NEGR1: variants seen among roughly 807,000 people sequenced by gnomAD.
NEGR1 encodes the protein neuronal growth regulator 1, also known as IgLON family member 4.
NEGR1 carries 10 observed loss-of-function variants against 40.9 expected under a neutral mutation model. The observed-to-expected ratio is 0.24, with a 90% CI of 0.15 to 0.42. The LOEUF (loss-of-function observed/expected upper bound fraction) is 0.42, where lower values mean the gene tolerates loss of function less well. Ranked by LOEUF, NEGR1 falls within the 10% of genes least tolerant of loss-of-function variation. NEGR1 has a pLI of 1.00. For synonymous variants in NEGR1, 185 were observed against 166.8 expected, an observed-to-expected ratio of 1.11 and a Z score of -0.84; for missense variants, 352 against 438.9, an observed-to-expected ratio of 0.80 and a Z score of 1.77.
At chr1:71,894,334 G>A (rs1236928544) in intron 2 of NEGR1, among the ~76,000 whole-genome samples, 1 of 152,092 alleles carries the variant, frequency 6.6e-6, no homozygotes, top group African/African-American at 2.4e-5. Context: ...ATCTGTAGTA[G>A]TTCAAGAATC....
intron 4 of NEGR1, among the ~76,000 whole-genome samples, chr1:71,623,437 A>C (rs999582174): frequency 2.0e-5 from 3 of 151,986 alleles, no homozygotes; most frequent in Non-Finnish European, 4.4e-5. Context: ...AGACTAAGGC[A>C]ACAGAGGTAG....
chr1:71,669,261 T>C (rs1269183342), intron 4 of NEGR1, among the ~76,000 whole-genome samples: 1 of 152,112 alleles, frequency 6.6e-6, no homozygotes, highest in African/African-American at 2.4e-5. Flanking sequence ...CAATGCAGGA[T>C]CCTGCTATTT....
chr1:71,914,348 C>T (rs1661511329), intron 2 of NEGR1, among the ~76,000 whole-genome samples: 1 of 152,194 alleles, frequency 6.6e-6, no homozygotes, highest in African/African-American at 2.4e-5. Context: ...AATGCCTGAT[C>T]AAACTTAACC....
At chr1:71,898,923 T>TATA (rs1198958122) in intron 2 of NEGR1, among the ~76,000 whole-genome samples, 12 of 132,166 alleles carry the variant, frequency 9.1e-5, no homozygotes, top group South Asian at 2.3e-4. Context: ...CAAATATATA[T>TATA]TTGCAAATAT....
At chr1:72,136,553 A>G (rs1252377371) in intron 1 of NEGR1, among the ~76,000 whole-genome samples, 1 of 151,436 alleles carries the variant, frequency 6.6e-6, no homozygotes, top group Non-Finnish European at 1.5e-5. Context: ...ATGAGTAAAA[A>G]TGGCCAGACT....
intron 1 of NEGR1, among the ~76,000 whole-genome samples, chr1:72,246,790 C>T (rs1015793561): frequency 1.3e-5 from 2 of 152,188 alleles, no homozygotes; most frequent in Admixed American, 1.3e-4. Flanking sequence ...TGGCACTGCC[C>T]TAGTACGCAG....
intron 2 of NEGR1, among the ~76,000 whole-genome samples, chr1:71,871,933 A>G (rs1271741639): frequency 6.6e-6 from 1 of 152,198 alleles, no homozygotes; most frequent in Admixed American, 6.5e-5. Context: ...TATGGGAAGT[A>G]TTATTCACAG....
chr1:71,998,384 G>T (rs1270462116), intron 1 of NEGR1, among the ~76,000 whole-genome samples: 1 of 151,900 alleles, frequency 6.6e-6, no homozygotes, highest in African/African-American at 2.4e-5. Context: ...CTTGTATCCT[G>T]TATATACTGC....
chr1:72,143,312 C>T (rs1333389666), intron 1 of NEGR1, among the ~76,000 whole-genome samples: 1 of 151,846 alleles, frequency 6.6e-6, no homozygotes, highest in African/African-American at 2.4e-5. Context: ...AGTTTTACAA[C>T]TAGATTTCCC....
intron 2 of NEGR1, among the ~76,000 whole-genome samples, chr1:71,886,396 T>C (rs1157399546): frequency 6.6e-6 from 1 of 151,784 alleles, no homozygotes; most frequent in Admixed American, 6.6e-5. Context: ...GGTAATAGCA[T>C]ATTACCCTTT....
intron 6 of NEGR1, among the ~76,000 whole-genome samples, chr1:71,517,461 G>T (rs1311693260): frequency 1.2e-5 from 1 of 82,656 alleles, no homozygotes; most frequent in African/African-American, 5.5e-5. Context: ...TATAAACAGA[G>T]CCAAAGACAA....
intron 1 of NEGR1, among the ~76,000 whole-genome samples, chr1:71,988,026 C>T (rs1326246891): frequency 6.6e-6 from 1 of 152,130 alleles, no homozygotes; most frequent in African/African-American, 2.4e-5. Flanking sequence ...TCCCTAAGAC[C>T]CCTCACAGGC....
chr1:71,410,914 A>G (rs1476451386), intron 6 of NEGR1, among the ~76,000 whole-genome samples: 2 of 152,202 alleles, frequency 1.3e-5, no homozygotes, highest in Non-Finnish European at 2.9e-5. Context: ...CTGGGCTGAA[A>G]TATTACTTAG....
intron 1 of NEGR1, among the ~76,000 whole-genome samples, chr1:72,109,849 A>G (rs1207669548): frequency 6.6e-6 from 1 of 151,698 alleles, no homozygotes; most frequent in African/African-American, 2.4e-5. Context: ...GCTGGTTTAC[A>G]TATTTAAAAG....
intron 6 of NEGR1, among the ~76,000 whole-genome samples, chr1:71,554,566 C>T (rs1272548805): frequency 2.6e-5 from 4 of 151,280 alleles, no homozygotes; most frequent in Non-Finnish European, 5.9e-5. Flanking sequence ...GGATTTCTCA[C>T]CCTCCTGCAC....
chr1:71,738,090 G>A (rs1161890845), intron 3 of NEGR1: 1 of 152,722 alleles, frequency 6.5e-6, no homozygotes, highest in African/African-American at 2.4e-5. Flanking sequence ...CTTTGCCCCT[G>A]AAATGAACCT....
chr1:71,966,644 G>A (rs1570561849), intron 1 of NEGR1, among the ~76,000 whole-genome samples: 1 of 152,234 alleles, frequency 6.6e-6, no homozygotes, highest in East Asian at 1.9e-4. Flanking sequence ...ATTTTAAAGA[G>A]TGAAGTGCAT....
chr1:71,428,313 T>C (rs1305903962), intron 6 of NEGR1, among the ~76,000 whole-genome samples: 4 of 152,196 alleles, frequency 2.6e-5, no homozygotes, highest in Non-Finnish European at 5.9e-5. Context: ...ACACCTGCTA[T>C]AAAGGCAGTC....
chr1:71,719,051 T>C (rs955190190), intron 3 of NEGR1, among the ~76,000 whole-genome samples: 2 of 152,218 alleles, frequency 1.3e-5, no homozygotes, highest in South Asian at 2.1e-4. Flanking sequence ...TAAGGTGTTA[T>C]GGAAGAGTGT....
Sources: gnomAD v4.1 joint callset for allele counts (sites outside exome capture counted in the v4.1 genomes callset) on GRCh38, gnomAD v4.1.1 for gene constraint, MANE v1.5 for transcripts, NCBI Gene and HGNC (gene_info 2026-07-23, HGNC 2026-07-21) for gene names.